The following NPAS2 variants were observed in gnomAD, a reference collection of about 807,000 sequenced individuals.
NPAS2 encodes neuronal PAS domain-containing protein 2.
Under a neutral mutation model 107.5 loss-of-function variants are expected in NPAS2, and 23 were observed. That is an observed-to-expected ratio of 0.21 (90% confidence interval 0.15 to 0.30). The LOEUF (loss-of-function observed/expected upper bound fraction) is 0.30, where lower values mean the gene tolerates loss of function less well. Among genes scored for constraint, NPAS2 ranks in the 10% least tolerant of loss-of-function variants. The pLI, the probability that NPAS2 is intolerant of heterozygous loss-of-function variation, is 1.00. For synonymous variants in NPAS2, 403 were observed against 417.5 expected (o/e 0.97, Z 0.42); for missense variants, 756 against 1,043.3 (o/e 0.72, Z 3.79).
intron 7 of NPAS2, among the ~76,000 whole-genome samples, chr2:100,961,559 G>C (rs1327839408): frequency 6.6e-6 from 1 of 152,158 alleles, no homozygotes; most frequent in East Asian, 1.9e-4. Flanking sequence ...CTTCCTTTTG[G>C]GGGGTGCATT....
intron 7 of NPAS2, among the ~76,000 whole-genome samples, chr2:100,960,774 C>G (rs1159271156): frequency 6.6e-6 from 1 of 152,064 alleles, no homozygotes; most frequent in African/African-American, 2.4e-5. Context: ...GTGCTAGTTG[C>G]TGGCAAGGAT....
intron 7 of NPAS2, among the ~76,000 whole-genome samples, chr2:100,953,324 A>C (rs1675352019): frequency 6.6e-6 from 1 of 150,740 alleles, no homozygotes; most frequent in Non-Finnish European, 1.5e-5. Context: ...CAGTGAGTCG[A>C]GATCACGCCA....
chr2:100,886,746 T>G (rs1680724815), intron 1 of NPAS2, among the ~76,000 whole-genome samples: 1 of 152,168 alleles, frequency 6.6e-6, no homozygotes, highest in African/African-American at 2.4e-5. Flanking sequence ...ATTTCCCATC[T>G]CCTTTAATAT....
chr2:100,951,044 C>T (rs1440194570), intron 7 of NPAS2, among the ~76,000 whole-genome samples: 1 of 152,184 alleles, frequency 6.6e-6, no homozygotes. Flanking sequence ...AAAATGCAGA[C>T]TCTCAGCCTT....
At position 100,985,672 on chromosome 2, in the gene NPAS2, G is replaced by A. The variant is rs148191538; in HGVS notation, c.1630-2407G>A. 3.3e-5 allele frequency: 5 copies of A among 152,236 alleles called. No homozygotes were observed. The East Asian group carries it at 9.6e-4, about 29-fold the overall frequency. 9.4% of individuals were successfully genotyped at this position (152,236 alleles called of 1,614,324 possible). A position where few individuals can be genotyped will look rare whatever the true frequency, so the allele number is the denominator to read the frequency against. On this transcript the variant is annotated intron_variant, in intron 16 of 20. Coordinates refer to ENST00000335681, the MANE Select transcript of NPAS2 (RefSeq NM_002518.4). ...TTTTTCATTTTGAATGTTATTATCT[G>A]ACATTCATTCAGTACTTACTATGTC...
At chr2:100,868,911 T>G (rs1175043583) in intron 1 of NPAS2, among the ~76,000 whole-genome samples, 1 of 152,100 alleles carries the variant, frequency 6.6e-6, no homozygotes, top group Non-Finnish European at 1.5e-5. Context: ...TGTTTATATC[T>G]TTAAACATAT....
At chr2:100,970,893 C>T (rs1676503830) in intron 11 of NPAS2, 97 bp from the exon 12 acceptor site, 14 of 1,036,582 alleles carry the variant, frequency 1.4e-5, no homozygotes, top group South Asian at 1.4e-5. Context: ...GCAGGGGTTA[C>T]GTAGAGAACC....
At chr2:100,902,434 C>A (rs910085619) in intron 1 of NPAS2, among the ~76,000 whole-genome samples, 1 of 152,158 alleles carries the variant, frequency 6.6e-6, no homozygotes, top group African/African-American at 2.4e-5. Flanking sequence ...CATGGATGAA[C>A]CCTGAGGACA....
chr2:100,964,906 C>A lies in NPAS2; in HGVS notation c.763C>A (p.His255Asn). The change falls in exon 9 of 21, where the codon CAT becomes AAT. Residue 255 changes from histidine (H) to asparagine (N), a missense_variant. Around this residue, in one of 4 missense-constraint regions of NPAS2, gnomAD observed 84 missense variants for 175.5 expected, o/e 0.48. Coordinates refer to ENST00000335681, the MANE Select transcript of NPAS2 (RefSeq NM_002518.4). Reference protein sequence around the residue: ...DEPLEEFTSRHSLEWKFLFLD... With the variant: ...DEPLEEFTSRNSLEWKFLFLD... The stretch of plus-strand genomic sequence containing the variant: ...ACCTTTAGAGGAATTCACTTCAAGG[C>A]ATAGCTTGGAATGGAAATTTTTATT... 1 of 1,576,334 alleles carries A rather than the reference C, an allele frequency of 6.3e-7. No individual in the cohort carries two copies. Among genetic ancestry groups the A allele is most frequent in the Non-Finnish European group, 8.5e-7 (1 of 1,170,266 alleles).
In NPAS2 at chr2:100,968,361, T is replaced by G; in HGVS notation, c.988T>G (p.Tyr330Asp). ...GQQWIWLQTH[Y>D]YITYHQWNSK... is the part of the protein sequence containing the mutation. ...GCAGTGGATCTGGCTGCAGACTCACTACTACATCACCTACCATCAGTGGAA... is the reference window on the plus strand; with the variant it reads ...GCAGTGGATCTGGCTGCAGACTCACGACTACATCACCTACCATCAGTGGAA... Residue 330 changes from tyrosine (Y) to aspartate (D), a missense_variant, in exon 11 of 21, where the codon TAC becomes GAC. This residue lies in a region of NPAS2 where 84 missense variants were observed against 175.5 expected (regional missense o/e 0.48). Transcript: ENST00000335681. This position sits in a 1 kb window ranked among gnomAD's most constrained non-coding sequence, Gnocchi z 5.3. 1 of 1,614,122 alleles carries G rather than the reference T, an allele frequency of 6.2e-7. No individual in the cohort carries two copies. Among genetic ancestry groups the G allele is most frequent in the Non-Finnish European group, 8.5e-7 (1 of 1,180,002 alleles).
At chr2:100,849,668 T>A (rs1678022657) in intron 1 of NPAS2, among the ~76,000 whole-genome samples, 2 of 152,234 alleles carry the variant, frequency 1.3e-5, no homozygotes, top group African/African-American at 4.8e-5. Context: ...GTTACATTCT[T>A]TACTTTGCTC....
At position 100,863,851 on chromosome 2, in the gene NPAS2, A is replaced by G. The variant is rs576273803; in HGVS notation, c.-22-40882A>G. Among the ~76,000 whole-genome samples the G allele has an allele frequency of 3.1e-3, 471 of 152,194 alleles. 7 individuals are homozygous for G. Among genetic ancestry groups the G allele is most frequent in the African/African-American group, 0.01 (434 of 41,496 alleles). On this transcript the variant is annotated intron_variant, in intron 1 of 20. Coordinates refer to ENST00000335681, the MANE Select transcript of NPAS2 (RefSeq NM_002518.4). ...TTGCATTCCACTTTGTAGTGTGAGG[A>G]TTGCTGCAGATCTCCTTCTCTCTCT...
intron 1 of NPAS2, among the ~76,000 whole-genome samples, chr2:100,900,127 C>T (rs1461434223): frequency 6.6e-6 from 1 of 152,148 alleles, no homozygotes; most frequent in Non-Finnish European, 1.5e-5. Context: ...TAAAACTGCT[C>T]ATCAGAAGAC....
intron 15 of NPAS2, among the ~76,000 whole-genome samples, chr2:100,978,757 G>A (rs780650609): frequency 3.3e-5 from 5 of 152,212 alleles, no homozygotes; most frequent in Non-Finnish European, 7.3e-5. Flanking sequence ...TTATAGAACC[G>A]TGAAGGAAAT....
chr2:100,942,564 A>T (rs547815171), intron 5 of NPAS2, among the ~76,000 whole-genome samples: 11 of 133,000 alleles, frequency 8.3e-5, no homozygotes, highest in African/African-American at 3.0e-4. Flanking sequence ...ATAAATACAG[A>T]TGTGTGTATA....
intron 17 of NPAS2, chr2:100,988,796 T>G (rs1319401484): frequency 2.1e-5 from 2 of 94,074 alleles, no homozygotes; most frequent in Non-Finnish European, 3.7e-5. Context: ...CAGGCCCCCA[T>G]TGCTCCTCCA....
At chr2:100,919,218 G>A (rs1455857885) in intron 2 of NPAS2, among the ~76,000 whole-genome samples, 1 of 152,210 alleles carries the variant, frequency 6.6e-6, no homozygotes, top group Non-Finnish European at 1.5e-5. Flanking sequence ...GAGCTGGCCA[G>A]AGTTTTGTGG....
At chr2:100,876,116 A>C (rs1226368054) in intron 1 of NPAS2, among the ~76,000 whole-genome samples, 2 of 152,144 alleles carry the variant, frequency 1.3e-5, no homozygotes, top group Non-Finnish European at 2.9e-5. Context: ...AGGCCTTCTC[A>C]GAGGCAGCTG....
At chr2:100,921,293 G>A (rs181003908) in intron 2 of NPAS2, among the ~76,000 whole-genome samples, 2 of 152,182 alleles carry the variant, frequency 1.3e-5, no homozygotes, top group Non-Finnish European at 2.9e-5. Flanking sequence ...AATAGTACCT[G>A]CCTTAAAGGG....
Sources: allele counts gnomAD v4.1 joint callset (sites outside exome capture counted in the v4.1 genomes callset), GRCh38; gene constraint gnomAD v4.1.1; regional missense constraint gnomAD v4.1.1; non-coding constraint Gnocchi (gnomAD v3.1); transcripts MANE v1.5; gene names NCBI Gene and HGNC (gene_info 2026-07-23, HGNC 2026-07-21).